WDR49: variants seen among roughly 807,000 people sequenced by gnomAD.
The protein encoded by WDR49 is cilia- and flagella-associated protein 337.
In WDR49, 107 loss-of-function variants were observed where a neutral mutation model predicts 119.5. The observed-to-expected ratio is 0.90, with a 90% confidence interval of 0.77 to 1.05. The LOEUF is 1.05. WDR49 is among the 50% of genes least tolerant of loss of function. The pLI is 0.00. For missense variants in WDR49, 1,240 were observed against 1,220.5 expected, an observed-to-expected ratio of 1.02 and a Z score of -0.24; for synonymous variants, 425 against 418.8, an observed-to-expected ratio of 1.01 and a Z score of -0.18.
intron 15 of WDR49, among the ~76,000 whole-genome samples, chr3:167,524,372 GAT>G (rs1274359442): frequency 2.0e-5 from 3 of 152,114 alleles, no homozygotes; most frequent in Admixed American, 2.0e-4. Context: ...TCACCCTGAT[GAT>G]ATTTTCTTTT....
chr3:167,558,469 A>G (rs1326542914), intron 9 of WDR49, among the ~76,000 whole-genome samples: 5 of 152,192 alleles, frequency 3.3e-5, no homozygotes, highest in Non-Finnish European at 7.3e-5. Context: ...CCTACACAGA[A>G]GTTGCCAGAC....
At chr3:167,579,764 C>A (rs899314031) in intron 7 of WDR49, among the ~76,000 whole-genome samples, 1 of 151,996 alleles carries the variant, frequency 6.6e-6, no homozygotes, top group Non-Finnish European at 1.5e-5. Flanking sequence ...AATTGATAAG[C>A]TTTTATTTTG....
intron 10 of WDR49, among the ~76,000 whole-genome samples, chr3:167,542,383 A>C (rs540895475): frequency 6.6e-6 from 1 of 152,276 alleles, no homozygotes; most frequent in East Asian, 1.9e-4. Flanking sequence ...AACATAAAAT[A>C]GGTGAAAAAA....
chr3:167,478,990 T>C lies in WDR49; in HGVS notation c.3038A>G (p.Lys1013Arg). The change falls in exon 19 of 19, where the codon AAA (lysine) becomes AGA (arginine). Residue 1013 changes from lysine (K) to arginine (R), a missense_variant. By Grantham distance (26) the Lys-to-Arg change is conservative (BLOSUM62 2). Coordinates refer to ENST00000682715, the MANE Select transcript of WDR49 (RefSeq NM_001366157.1). ...LEAPSLFKTL[K>R]AVFDEKNLFP... ...CAGGTTTTTCTCATCAAATACAGCT[T>C]TCAAAGCTACAAAATGATGAGGAAA... 1 of 1,594,872 alleles carries C rather than the reference T, an allele frequency of 6.3e-7. No homozygotes were observed. Among genetic ancestry groups the C allele is most frequent in the South Asian group, 1.2e-5 (1 of 86,916 alleles).
chr3:167,578,105 C>T (rs1355702859), intron 7 of WDR49, among the ~76,000 whole-genome samples: 1 of 152,116 alleles, frequency 6.6e-6, no homozygotes, highest in Non-Finnish European at 1.5e-5. Flanking sequence ...CTTCCTCTTA[C>T]CCCTTTTCTC....
At chr3:167,553,155 T>G (rs1712676019) in intron 10 of WDR49, among the ~76,000 whole-genome samples, 1 of 152,096 alleles carries the variant, frequency 6.6e-6, no homozygotes, top group African/African-American at 2.4e-5. Context: ...TTAGAATATA[T>G]AATTTTTAAA....
At chr3:167,636,594 G>A (rs1013995012) in intron 2 of WDR49, among the ~76,000 whole-genome samples, 2 of 151,612 alleles carry the variant, frequency 1.3e-5, no homozygotes, top group Admixed American at 1.3e-4. Flanking sequence ...GGTTGTACTA[G>A]TTTGCATTCC....
intron 8 of WDR49, among the ~76,000 whole-genome samples, chr3:167,568,482 A>G (rs1052126914): frequency 6.6e-6 from 1 of 152,134 alleles, no homozygotes; most frequent in Admixed American, 6.6e-5. Flanking sequence ...AAAAAAGTAT[A>G]TGGTTTTTTC....
At chr3:167,529,556 T>A (rs542487754) in intron 13 of WDR49, among the ~76,000 whole-genome samples, 62 of 152,210 alleles carry the variant, frequency 4.1e-4, no homozygotes, top group African/African-American at 1.4e-3. Flanking sequence ...AGATAAAACA[T>A]GAAATATTAA....
intron 10 of WDR49, among the ~76,000 whole-genome samples, chr3:167,552,686 A>T (rs754221317): frequency 2.0e-5 from 3 of 151,382 alleles, no homozygotes; most frequent in Non-Finnish European, 4.4e-5. Context: ...CTGAAGACAG[A>T]TATTTGAGTT....
At chr3:167,588,203 G>T (rs143027930) in intron 7 of WDR49, among the ~76,000 whole-genome samples, 250 of 152,150 alleles carry the variant, frequency 1.6e-3, no homozygotes, top group African/African-American at 5.6e-3. Context: ...AACACCTAAA[G>T]TTTGTCTTTC....
chr3:167,593,579 T>C (rs141156101), intron 7 of WDR49, among the ~76,000 whole-genome samples: 2 of 152,258 alleles, frequency 1.3e-5, no homozygotes, highest in African/African-American at 4.8e-5. Flanking sequence ...AATGGTCACA[T>C]ATCTCTGTTT....
chr3:167,502,486 G>A (rs1436364999), intron 17 of WDR49, among the ~76,000 whole-genome samples: 2 of 152,168 alleles, frequency 1.3e-5, no homozygotes, highest in African/African-American at 4.8e-5. Flanking sequence ...AAGATGAGGG[G>A]AATTTTGGAA....
chr3:167,642,774 A>C (rs925651791), intron 2 of WDR49, among the ~76,000 whole-genome samples: 5 of 151,978 alleles, frequency 3.3e-5, no homozygotes, highest in African/African-American at 9.7e-5. Flanking sequence ...CCAGAAAGCA[A>C]AGCAGTAATA....
Position 167,500,234 on chromosome 3 carries a change from G to T in WDR49, c.2950C>A (p.Leu984Ile). Residue 984 changes from leucine to isoleucine, a missense_variant, in exon 18 of 19, where the codon CTT becomes ATT. Coordinates refer to ENST00000682715, the MANE Select transcript of WDR49 (RefSeq NM_001366157.1). Reference protein sequence around the residue: ...ELPEVNKPAFLLDPEKYFRKE... With the variant: ...ELPEVNKPAFILDPEKYFRKE... ...CTAAAGTATTTCTCAGGGTCTAGAA[G>T]GAAAGCAGGTTTATTCACTTCAGGC... 1 of 1,605,756 alleles carries T rather than the reference G, an allele frequency of 6.2e-7. No homozygotes were observed. Among genetic ancestry groups the T allele is most frequent in the Non-Finnish European group, 8.5e-7 (1 of 1,177,630 alleles).
At chr3:167,501,245 A>G (rs769731162) in intron 17 of WDR49, among the ~76,000 whole-genome samples, 3 of 152,222 alleles carry the variant, frequency 2.0e-5, no homozygotes, top group Non-Finnish European at 4.4e-5. Flanking sequence ...CACAACATGT[A>G]AGGTATCGTG....
intron 10 of WDR49, among the ~76,000 whole-genome samples, chr3:167,545,667 A>G (rs1712144680): frequency 6.6e-6 from 1 of 150,454 alleles, no homozygotes; most frequent in Admixed American, 6.6e-5. Context: ...AGCTATGAGG[A>G]TACAAAGGCA....
intron 8 of WDR49, among the ~76,000 whole-genome samples, chr3:167,561,101 T>C (rs1272330239): frequency 2.6e-5 from 4 of 152,362 alleles, no homozygotes; most frequent in East Asian, 1.9e-4. Context: ...TGTTTAGGTA[T>C]TGATTACCAT....
At chr3:167,488,712 A>G (rs576173242) in intron 18 of WDR49, among the ~76,000 whole-genome samples, 1 of 152,038 alleles carries the variant, frequency 6.6e-6, no homozygotes, top group Non-Finnish European at 1.5e-5. Flanking sequence ...GTCTAGATGA[A>G]TCAGGTCACA....
Sources: allele counts gnomAD v4.1 joint callset (sites outside exome capture counted in the v4.1 genomes callset), GRCh38; gene constraint gnomAD v4.1.1; transcripts MANE v1.5; gene names NCBI Gene and HGNC (gene_info 2026-07-23, HGNC 2026-07-21).